Variants in DNAH11 observed in about 807,000 individuals in gnomAD.
DNAH11 encodes the protein dynein axonemal heavy chain 11.
A neutral mutation model predicts 526.0 loss-of-function variants in DNAH11; 442 were observed. The observed-to-expected ratio is 0.84, with a 90% confidence interval of 0.78 to 0.91. The LOEUF is 0.91. Among genes scored for constraint, DNAH11 ranks in the 40% least tolerant of loss-of-function variants. The pLI is 0.00. For synonymous variants in DNAH11, 2,461 were observed against 1,935.9 expected, an observed-to-expected ratio of 1.27 and a Z score of -7.12; for missense variants, 6,989 against 5,448.7, an observed-to-expected ratio of 1.28 and a Z score of -8.90.
rs1290601144 is a variant in DNAH11, at chr7:21,735,754, T to G, written c.7555T>G (p.Phe2519Val). 6.2e-7 allele frequency: 1 copy of G among 1,614,024 alleles called. No homozygotes were observed. The highest frequency in any genetic ancestry group is 1.1e-5 in the South Asian group (1 of 91,084). ...VGNAGVGKTV[F>V]VGDTLASLSE... ...AAATGCAGGAGTGGGAAAAACAGTC[T>G]TTGTAGGTGACACATTGGCAAGTCT... The change falls in exon 46 of 82, where the codon TTT (phenylalanine) becomes GTT (valine). Residue 2519 changes from phenylalanine (F) to valine (V), a missense_variant. By Grantham distance (50) the Phe-to-Val change is conservative. Transcript: ENST00000409508.
intron 54 of DNAH11, among the ~76,000 whole-genome samples, chr7:21,762,407 T>A (rs976946431): frequency 1.8e-4 from 27 of 152,232 alleles, no homozygotes; most frequent in Non-Finnish European, 7.3e-5. Flanking sequence ...AGATGCTTTT[T>A]TTCCTCTGCC....
In DNAH11 at chr7:21,637,632, A is replaced by G. The variant is rs776585671; in HGVS notation, c.4747A>G (p.Lys1583Glu). 20 of 1,588,624 alleles carry G rather than the reference A, an allele frequency of 1.3e-5. No individual in the cohort carries two copies. Among genetic ancestry groups the G allele is most frequent in the Admixed American group, 3.5e-5 (2 of 56,576 alleles). ...EFKELMFKTA[K>E]VENVLEATCR... ...GCAGGAGTTAATGTTCAAGACAGCCAAAGTAGAAAATGTGTTAGAAGCAAC... is the reference window on the plus strand; with the variant it reads ...GCAGGAGTTAATGTTCAAGACAGCCGAAGTAGAAAATGTGTTAGAAGCAAC... Residue 1583 changes from lysine (K) to glutamate (E), a missense_variant, in exon 27 of 82, where the codon AAA becomes GAA. Lys to Glu is a moderately conservative substitution (Grantham distance 56). Coordinates refer to ENST00000409508, the MANE Select transcript of DNAH11 (RefSeq NM_001277115.2).
intron 64 of DNAH11, 71 bp downstream of exon 64, chr7:21,816,773 T>TCA: frequency 7.9e-7 from 1 of 1,262,714 alleles, no homozygotes; most frequent in Non-Finnish European, 1.1e-6. Flanking sequence ...TATAAAGGCG[T>TCA]GATGTTTCTT....
At chr7:21,816,413 G>C in intron 63 of DNAH11, 54 bp from the exon 64 acceptor site, 1 of 1,382,516 alleles carries the variant, frequency 7.2e-7, no homozygotes, top group African/African-American at 1.4e-5. Flanking sequence ...TTTCTTGTCT[G>C]TCTTCTCTCT....
At chr7:21,755,671 A>G (rs775459377) in intron 54 of DNAH11, among the ~76,000 whole-genome samples, 3 of 152,190 alleles carry the variant, frequency 2.0e-5, no homozygotes, top group Non-Finnish European at 4.4e-5. Flanking sequence ...CTATGTGCAC[A>G]TAAACATGAA....
chr7:21,713,216 T>C (rs1784526568), intron 42 of DNAH11, among the ~76,000 whole-genome samples: 1 of 152,200 alleles, frequency 6.6e-6, no homozygotes, highest in Admixed American at 6.5e-5. Context: ...CCTGGCATGC[T>C]TCTTACATCA....
chr7:21,743,289 A>G lies in DNAH11; in HGVS notation c.8154+1123A>G, dbSNP rs531916163. Among the ~76,000 whole-genome samples the G allele has an allele frequency of 1.9e-3, 296 of 152,348 alleles. 2 individuals carry two copies. Among genetic ancestry groups the G allele is most frequent in the Middle Eastern group, 0.01 (3 of 294 alleles). On this transcript the variant is annotated intron_variant, in intron 49 of 81. Transcript: ENST00000409508. ...ATAAGGCACTTATGTGTGATTTTAAACATATATGAAGAGAAATAGCAACTT... is the reference window on the plus strand; with the variant it reads ...ATAAGGCACTTATGTGTGATTTTAAGCATATATGAAGAGAAATAGCAACTT...
chr7:21,641,510 C>G (rs755797581), intron 28 of DNAH11, among the ~76,000 whole-genome samples: 1 of 152,166 alleles, frequency 6.6e-6, no homozygotes, highest in African/African-American at 2.4e-5. Context: ...ACCTCTTTGT[C>G]CTTAATTGAA....
intron 20 of DNAH11, among the ~76,000 whole-genome samples, chr7:21,609,807 T>G (rs1408882109): frequency 2.6e-5 from 4 of 152,134 alleles, no homozygotes; most frequent in Non-Finnish European, 5.9e-5. Context: ...ATCAGAAGTC[T>G]AGAACTATGA....
chr7:21,675,743 A>ATGG (rs1782851841), intron 30 of DNAH11, among the ~76,000 whole-genome samples: 1 of 152,224 alleles, frequency 6.6e-6, no homozygotes, highest in Non-Finnish European at 1.5e-5. Flanking sequence ...GCTAAGCATG[A>ATGG]GAACATAACA....
chr7:21,797,068 G>A (rs953731258), intron 61 of DNAH11, among the ~76,000 whole-genome samples: 5 of 152,052 alleles, frequency 3.3e-5, no homozygotes, highest in East Asian at 3.9e-4. Flanking sequence ...AAAGAAAACA[G>A]CAGGAATAGA....
chr7:21,646,936 A>G (rs2128462535), intron 28 of DNAH11, among the ~76,000 whole-genome samples: 1 of 152,364 alleles, frequency 6.6e-6, no homozygotes, highest in Admixed American at 6.5e-5. Context: ...ATTAAAGTTT[A>G]CTGAGCATGT....
rs1784722405 is a variant in DNAH11, at chr7:21,717,812, T to C, written c.7021T>C (p.Ser2341Pro). The change falls in exon 43 of 82, where the codon TCA (serine) becomes CCA (proline). Residue 2341 changes from serine (S) to proline (P), a missense_variant. Ser to Pro is a moderately conservative substitution (Grantham distance 74, BLOSUM62 -1). Transcript: ENST00000409508. ...TTGGATAGACAGAAGGCGGCATCAA[T>C]CAGAAAAGGCCAATTTGACTATTCT... ...ASWIDRRRHQ[S>P]EKANLTILFD... 1.2e-6 allele frequency: 2 copies of C among 1,613,736 alleles called. No homozygotes were observed. The highest frequency in any genetic ancestry group is 1.7e-5 in the Admixed American group (1 of 59,940).
At chr7:21,762,707 C>CA (rs1014541075) in intron 54 of DNAH11, among the ~76,000 whole-genome samples, 1 of 151,910 alleles carries the variant, frequency 6.6e-6, no homozygotes, top group African/African-American at 2.4e-5. Flanking sequence ...AAACCACATG[C>CA]AAAAAAATGA....
At chr7:21,816,180 C>G (rs1176157231) in intron 63 of DNAH11, among the ~76,000 whole-genome samples, 4 of 152,150 alleles carry the variant, frequency 2.6e-5, no homozygotes, top group Non-Finnish European at 5.9e-5. Context: ...TGTAAATTCA[C>G]TCTTACCTAA....
At chr7:21,798,930 T>A (rs145831310) in intron 61 of DNAH11, among the ~76,000 whole-genome samples, 192 of 152,268 alleles carry the variant, frequency 1.3e-3, no homozygotes, top group East Asian at 4.2e-3. Context: ...AATAAATTTT[T>A]AAATTTTTTT....
chr7:21,830,725 C>A (rs1049740171), intron 65 of DNAH11, among the ~76,000 whole-genome samples: 2 of 151,890 alleles, frequency 1.3e-5, no homozygotes, highest in Non-Finnish European at 2.9e-5. Context: ...TCTTCTTGAT[C>A]TAATATTATG....
chr7:21,605,318 C>T (rs1785239590), intron 18 of DNAH11, among the ~76,000 whole-genome samples: 2 of 152,166 alleles, frequency 1.3e-5, no homozygotes, highest in South Asian at 4.1e-4. Flanking sequence ...TGTGACAAAA[C>T]AATTTCACTG....
intron 30 of DNAH11, among the ~76,000 whole-genome samples, chr7:21,663,910 C>T (rs139757673): frequency 1.3e-5 from 2 of 151,968 alleles, no homozygotes; most frequent in South Asian, 2.1e-4. Flanking sequence ...GTCTCTTCAA[C>T]GTACTGATTT....
Sources: allele counts gnomAD v4.1 joint callset (sites outside exome capture counted in the v4.1 genomes callset), GRCh38; gene constraint gnomAD v4.1.1; transcripts MANE v1.5; gene names NCBI Gene and HGNC (gene_info 2026-07-23, HGNC 2026-07-21).